The following RGS6 variants were observed in gnomAD, a reference collection of about 807,000 sequenced individuals.
The protein encoded by RGS6 is regulator of G protein signaling 6.
In RGS6, 30 loss-of-function variants were observed where a neutral mutation model predicts 78.5. That is an observed-to-expected ratio of 0.38 (90% CI 0.29 to 0.52). The LOEUF is 0.52. RGS6 is among the 20% of genes least tolerant of loss of function. The probability of loss-of-function intolerance (pLI) is 0.85; values close to 1 mark genes in which losing one functional copy is unlikely to be tolerated. For missense variants in RGS6, 495 were observed against 609.7 expected (o/e 0.81, Z 1.98); for synonymous variants, 206 against 206.0 (o/e 1.00, Z 0.00).
At chr14:72,558,726 G>T (rs140716438) in intron 17 of RGS6, among the ~76,000 whole-genome samples, 40 of 152,264 alleles carry the variant, frequency 2.6e-4, no homozygotes, top group African/African-American at 9.4e-4. Flanking sequence ...CTGAGCCCAT[G>T]GTCCATGAAA....
At chr14:72,096,623 A>T (rs2095413779) in intron 2 of RGS6, among the ~76,000 whole-genome samples, 1 of 152,128 alleles carries the variant, frequency 6.6e-6, no homozygotes, top group Non-Finnish European at 1.5e-5. Flanking sequence ...GGGGTCTCTT[A>T]TGCCCTGGCT....
intron 2 of RGS6, among the ~76,000 whole-genome samples, chr14:72,314,646 T>A (rs1022633527): frequency 6.6e-6 from 1 of 152,184 alleles, no homozygotes; most frequent in Non-Finnish European, 1.5e-5. Flanking sequence ...CCTCTAATCT[T>A]GAGTTTAGAG....
the RGS6 span, among the ~76,000 whole-genome samples, chr14:72,579,417 T>C: frequency 2.6e-5 from 4 of 152,264 alleles, no homozygotes; most frequent in Admixed American, 2.6e-4. Flanking sequence ...GTCAGCCAAA[T>C]AATAAAGCTT....
chr14:72,584,132 G>T, the RGS6 span, among the ~76,000 whole-genome samples: 9 of 152,300 alleles, frequency 5.9e-5, no homozygotes, highest in South Asian at 1.9e-3. Context: ...AAATGTGGGT[G>T]TCAGATTTCA....
intron 2 of RGS6, among the ~76,000 whole-genome samples, chr14:72,287,029 C>T (rs1232348158): frequency 6.6e-6 from 1 of 152,188 alleles, no homozygotes; most frequent in Non-Finnish European, 1.5e-5. Flanking sequence ...GGTGATCCAC[C>T]CACCTTGGCC....
At chr14:71,984,478 C>CGAAAA (rs1555416314) in intron 2 of RGS6, among the ~76,000 whole-genome samples, 6 of 10,836 alleles carry the variant, frequency 5.5e-4, no homozygotes, top group African/African-American at 1.8e-3. Flanking sequence ...GACCCTGTCT[C>CGAAAA]AAAAAGAAAA....
chr14:72,443,659 G>A (rs558147791), intron 3 of RGS6, among the ~76,000 whole-genome samples: 6 of 152,254 alleles, frequency 3.9e-5, no homozygotes, highest in African/African-American at 9.6e-5. Context: ...TGAAGTGACC[G>A]TTAGACACCA....
intron 1 of RGS6, among the ~76,000 whole-genome samples, chr14:71,951,672 T>G (rs1170281145): frequency 6.6e-6 from 1 of 152,214 alleles, no homozygotes; most frequent in Non-Finnish European, 1.5e-5. Flanking sequence ...GCATTAAATC[T>G]CTAGCCTAAA....
chr14:72,499,309 A>G (rs944925962), intron 13 of RGS6, among the ~76,000 whole-genome samples: 2 of 152,210 alleles, frequency 1.3e-5, no homozygotes, highest in Admixed American at 1.3e-4. Flanking sequence ...CTTACTGTCC[A>G]TATGAGAAGC....
At chr14:72,472,172 G>A (rs201120023) in intron 8 of RGS6, among the ~76,000 whole-genome samples, 56 of 141,508 alleles carry the variant, frequency 4.0e-4, no homozygotes, top group East Asian at 6.1e-4. Context: ...GCTTTTTTAA[G>A]AAAAAAAAAA....
chr14:72,155,504 A>G (rs544593348), intron 2 of RGS6, among the ~76,000 whole-genome samples: 4 of 152,308 alleles, frequency 2.6e-5, no homozygotes, highest in South Asian at 2.1e-4. Context: ...ACTCAATGCA[A>G]TTGTGTCATT....
At chr14:72,415,797 T>TCTGTC (rs2153079296) in intron 3 of RGS6, among the ~76,000 whole-genome samples, 2 of 152,334 alleles carry the variant, frequency 1.3e-5, no homozygotes, top group South Asian at 4.1e-4. Flanking sequence ...TTTACTCCTC[T>TCTGTC]CTGTCTCTGT....
chr14:72,367,811 G>A (rs1256508816), intron 3 of RGS6, among the ~76,000 whole-genome samples: 1 of 152,162 alleles, frequency 6.6e-6, no homozygotes, highest in Admixed American at 6.5e-5. Context: ...GTCACTGTGT[G>A]ACCTTGAGCT....
intron 2 of RGS6, among the ~76,000 whole-genome samples, chr14:72,256,063 G>C (rs140326788): frequency 1.3e-5 from 2 of 152,296 alleles, no homozygotes; most frequent in East Asian, 3.9e-4. Context: ...ACAGAGCCAA[G>C]GCACTGAGAC....
intron 15 of RGS6, among the ~76,000 whole-genome samples, chr14:72,519,234 A>G (rs1217254068): frequency 1.3e-5 from 2 of 152,168 alleles, no homozygotes; most frequent in Middle Eastern, 3.2e-3. Flanking sequence ...AACAGGAACC[A>G]CCCTAACCAG....
At chr14:72,054,737 T>A (rs985086220) in intron 2 of RGS6, among the ~76,000 whole-genome samples, 1 of 152,222 alleles carries the variant, frequency 6.6e-6, no homozygotes, top group Non-Finnish European at 1.5e-5. Context: ...CCCATCCCTC[T>A]GCCACCAGAG....
At chr14:72,314,453 C>G (rs1047877354) in intron 2 of RGS6, among the ~76,000 whole-genome samples, 1 of 152,206 alleles carries the variant, frequency 6.6e-6, no homozygotes, top group African/African-American at 2.4e-5. Context: ...CAGACTTCTA[C>G]TTATGTCTCA....
intron 2 of RGS6, among the ~76,000 whole-genome samples, chr14:72,055,495 A>G (rs759178003): frequency 3.3e-5 from 5 of 152,140 alleles, no homozygotes; most frequent in Admixed American, 6.5e-5. Flanking sequence ...TTATCTCACT[A>G]CTAGTAGTTG....
chr14:71,877,931 G>T, the RGS6 span, among the ~76,000 whole-genome samples: 1 of 152,188 alleles, frequency 6.6e-6, no homozygotes, highest in Non-Finnish European at 1.5e-5. Flanking sequence ...AGGTCTGTTG[G>T]AGTTTGCTGG....
Sources: allele counts gnomAD v4.1 joint callset (sites outside exome capture counted in the v4.1 genomes callset), GRCh38; gene constraint gnomAD v4.1.1; transcripts MANE v1.5; gene names NCBI Gene and HGNC (gene_info 2026-07-23, HGNC 2026-07-21).